PLA2G2F: variants seen among roughly 807,000 people sequenced by gnomAD.
The protein encoded by PLA2G2F is phospholipase A2 group IIF.
A neutral mutation model predicts 15.9 loss-of-function variants in PLA2G2F; 17 were observed. The ratio of observed to expected loss-of-function variants is 1.07; its 90% CI spans 0.73 to 1.60. The LOEUF is 1.60. Among genes scored for constraint, PLA2G2F ranks in the 40% most tolerant of loss-of-function variants. The pLI, the probability that PLA2G2F is intolerant of heterozygous loss-of-function variation, is 0.00. For synonymous variants in PLA2G2F, 119 were observed against 106.5 expected, an observed-to-expected ratio of 1.12 and a Z score of -0.72; for missense variants, 299 against 278.2, an observed-to-expected ratio of 1.07 and a Z score of -0.53.
rs765916315 is a variant in PLA2G2F, at chr1:20,144,692, G to A, written c.424+3G>A. The A allele has an allele frequency of 4.4e-6, 7 of 1,592,702 alleles. No homozygotes were observed. The highest frequency in any genetic ancestry group is 6.0e-6 in the Non-Finnish European group (7 of 1,167,274). On this transcript the variant is annotated splice_donor_region_variant and intron_variant, in intron 4 of 4. Transcript: ENST00000375102. ...GAACAACACTGAGATAGTCTGCAGT[G>A]AGTCCCTCCCCTGTCACCTGGGCCC...
chr1:20,139,963 C>T (rs368683511), intron 1 of PLA2G2F, among the ~76,000 whole-genome samples: 6 of 152,062 alleles, frequency 3.9e-5, no homozygotes, highest in East Asian at 1.9e-4. Flanking sequence ...AGGAGGTGTT[C>T]GTGCCTCCTG....
rs1232233827 is a variant in PLA2G2F at position 20,139,351 on chromosome 1, G to A, written c.-77G>A. ...AGTGTGCGAGGCAGCGTGAAGCTGG[G>A]GCCTGCTCCCCGCAGCCTCTGGAGC... On this transcript the variant is annotated 5_prime_UTR_variant, in exon 1 of 5. Transcript: ENST00000375102. 4 of 1,133,720 alleles carry A rather than the reference G, an allele frequency of 3.5e-6. No individual in the cohort carries two copies. The South Asian group carries it at 5.3e-5, about 15-fold the overall frequency. The allele number at this position is 1,133,720 out of a possible 1,614,324, so 70.2% of individuals were successfully genotyped here. A position where few individuals can be genotyped will look rare whatever the true frequency, so the allele number is the denominator to read the frequency against.
chr1:20,140,239 G>A (rs377583299), intron 2 of PLA2G2F, 21 bp downstream of exon 2: 2 of 1,611,352 alleles, frequency 1.2e-6, no homozygotes, highest in East Asian at 2.2e-5. Flanking sequence ...ACTCCAGAGG[G>A]CTCCTCCTTC....
intron 1 of PLA2G2F, among the ~76,000 whole-genome samples, chr1:20,139,861 C>A (rs1195971875): frequency 6.6e-6 from 1 of 152,248 alleles, no homozygotes; most frequent in African/African-American, 2.4e-5. Flanking sequence ...CCCGGACTCC[C>A]TAGTGTGTGC....
At chr1:20,146,486 G>A (rs1047315108) in intron 4 of PLA2G2F, among the ~76,000 whole-genome samples, 7 of 152,144 alleles carry the variant, frequency 4.6e-5, no homozygotes, top group Admixed American at 1.3e-4. Flanking sequence ...GTAGGTAAGC[G>A]CAAGTGGCAT....
intron 3 of PLA2G2F, 73 bp from the exon 4 acceptor site, chr1:20,144,507 G>A: frequency 6.7e-6 from 7 of 1,051,612 alleles, no homozygotes; most frequent in Non-Finnish European, 1.0e-5. Context: ...TGGAAGAGAT[G>A]ATCAGAGGTC....
intron 3 of PLA2G2F, among the ~76,000 whole-genome samples, chr1:20,144,282 C>T (rs561492341): frequency 1.3e-5 from 2 of 152,266 alleles, no homozygotes; most frequent in East Asian, 1.9e-4. Context: ...CTGCTGCAGC[C>T]GGGGCTCTGG....
intron 4 of PLA2G2F, among the ~76,000 whole-genome samples, chr1:20,145,672 G>A (rs2017575037): frequency 6.6e-6 from 1 of 151,490 alleles, no homozygotes; most frequent in South Asian, 2.1e-4. Flanking sequence ...GAGTTCAGCG[G>A]TGCCATCGTA....
chr1:20,140,388 AC>A, intron 2 of PLA2G2F, 170 bp downstream of exon 2: 1 of 650,740 alleles, frequency 1.5e-6, no homozygotes, highest in Middle Eastern at 2.6e-4. Flanking sequence ...GGGGCTGTTT[AC>A]CCCTCCAGCC....
At chr1:20,144,273 T>G (rs2017539297) in intron 3 of PLA2G2F, among the ~76,000 whole-genome samples, 1 of 152,112 alleles carries the variant, frequency 6.6e-6, no homozygotes, top group African/African-American at 2.4e-5. Flanking sequence ...CTCCTCCCAC[T>G]GCTGCAGCCG....
intron 2 of PLA2G2F, chr1:20,140,560 T>C (rs1485871131): frequency 1.0e-5 from 3 of 286,578 alleles, no homozygotes; most frequent in Non-Finnish European, 2.0e-5. Context: ...GGCACAGGCA[T>C]CTATGTGTGT....
rs1348056960 is a variant in PLA2G2F at position 20,139,459 on chromosome 1, G to C, written c.32G>C (p.Gly11Ala). Residue 11 changes from glycine (G) to alanine (A), a missense_variant, in exon 1 of 5, where the codon GGG (glycine) becomes GCG (alanine). Coordinates refer to ENST00000375102, the MANE Select transcript of PLA2G2F (RefSeq NM_022819.4). The stretch of plus-strand genomic sequence containing the variant: ...GATGGGGCAAAGGCCAACCCCAAAG[G>C]GTTCAAAAAGAAGGTGCTGGATAGA... MADGAKANPK[G>A]FKKKVLDRCF... is the part of the protein sequence containing the mutation. The C allele has an allele frequency of 2.5e-6, 4 of 1,574,644 alleles. No homozygotes were observed. The highest frequency in any genetic ancestry group is 1.2e-5 in the South Asian group (1 of 85,720).
At chr1:20,140,575 G>A (rs2100690391) in intron 2 of PLA2G2F, 1 of 249,824 alleles carries the variant, frequency 4.0e-6, no homozygotes, top group South Asian at 7.3e-5. Context: ...GTGTGTGTAG[G>A]TGTGTCTGAG....
At chr1:20,140,307 A>T in intron 2 of PLA2G2F, 89 bp downstream of exon 2, 1 of 1,424,516 alleles carries the variant, frequency 7.0e-7, no homozygotes, top group Non-Finnish European at 9.8e-7. Flanking sequence ...GGTTCCACTG[A>T]CCAGCCTAGG....
chr1:20,143,728 A>T, intron 3 of PLA2G2F, 138 bp downstream of exon 3: 1 of 1,106,074 alleles, frequency 9.0e-7, no homozygotes, highest in Non-Finnish European at 1.3e-6. Flanking sequence ...CTTGGTGACC[A>T]GAGCCTGGTC....
At chr1:20,146,441 A>G (rs2017609804) in intron 4 of PLA2G2F, among the ~76,000 whole-genome samples, 1 of 152,166 alleles carries the variant, frequency 6.6e-6, no homozygotes, top group Non-Finnish European at 1.5e-5. Flanking sequence ...TTCATTTACC[A>G]TGAACTTGCT....
Position 20,143,650 on chromosome 1 carries a change from C to A in PLA2G2F, c.314+60C>A. 2.5e-6 allele frequency: 4 copies of A among 1,581,110 alleles called. No homozygotes were observed. In the South Asian group the frequency reaches 4.5e-5, roughly 18 times the overall value. ...CAAATGAGGACAGCTGAAGGTCAGA[C>A]TGACCTTGCCCTCCATCCCTGAGTG... On this transcript the variant is annotated intron_variant, in intron 3 of 4. Coordinates refer to ENST00000375102, the MANE Select transcript of PLA2G2F (RefSeq NM_022819.4).
intron 2 of PLA2G2F, 62 bp downstream of exon 2, chr1:20,140,280 T>C: frequency 1.9e-6 from 3 of 1,573,392 alleles, no homozygotes; most frequent in Non-Finnish European, 2.6e-6. Flanking sequence ...TCCCGTGACC[T>C]TGGGCGCCTG....
intron 4 of PLA2G2F, among the ~76,000 whole-genome samples, chr1:20,146,024 C>T (rs1342723458): frequency 1.3e-5 from 2 of 152,232 alleles, no homozygotes; most frequent in African/African-American, 2.4e-5. Flanking sequence ...TGCTCTGATG[C>T]TCCAGTCCTG....
Sources: gnomAD v4.1 joint callset for allele counts (sites outside exome capture counted in the v4.1 genomes callset) on GRCh38, gnomAD v4.1.1 for gene constraint, MANE v1.5 for transcripts, NCBI Gene and HGNC (gene_info 2026-07-23, HGNC 2026-07-21) for gene names.